The following USP7 variants were observed in gnomAD, a reference collection of about 807,000 sequenced individuals.
USP7 encodes the protein ubiquitin C-terminal hydrolase 7.
A neutral mutation model predicts 162.9 loss-of-function variants in USP7; 9 were observed. The observed-to-expected ratio is 0.06, with a 90% CI of 0.03 to 0.10. The LOEUF (loss-of-function observed/expected upper bound fraction) is 0.10, where lower values mean the gene tolerates loss of function less well. USP7 is among the 10% of genes least tolerant of loss of function. The pLI, the probability that USP7 is intolerant of heterozygous loss-of-function variation, is 1.00. For missense variants in USP7, 715 were observed against 1,373.7 expected (o/e 0.52, Z 7.58); for synonymous variants, 562 against 475.9 (o/e 1.18, Z -2.35).
chr16:8,930,471 T>C (rs1898256320), intron 1 of USP7, 74 bp from the exon 2 acceptor site: 5 of 1,067,234 alleles, frequency 4.7e-6, no homozygotes, highest in East Asian at 5.2e-5. Context: ...TATAAACTTA[T>C]ACTTTTGATG....
At chr16:8,936,552 A>AT (rs1567237502) in intron 1 of USP7, 1 of 1,517,194 alleles carries the variant, frequency 6.6e-7, no homozygotes, top group Non-Finnish European at 8.8e-7. Flanking sequence ...CATCACCAGC[A>AT]TAAGGAGCTC....
intron 25 of USP7, among the ~76,000 whole-genome samples, chr16:8,897,726 A>AAAAAAAATATAT (rs1555461671): frequency 7.0e-4 from 5 of 7,136 alleles, no homozygotes; most frequent in Non-Finnish European, 9.3e-4. Context: ...AAAAAAAAAA[A>AAAAAAAATATAT]ATATATATAT....
chr16:8,958,730 A>G (rs139050276), intron 1 of USP7, among the ~76,000 whole-genome samples: 10 of 152,368 alleles, frequency 6.6e-5, no homozygotes, highest in African/African-American at 1.9e-4. Flanking sequence ...CACTCACGCA[A>G]GAATCATCAG....
chr16:8,929,011 CCTATAT>C (rs1365215059), intron 2 of USP7, among the ~76,000 whole-genome samples: 2 of 74,198 alleles, frequency 2.7e-5, no homozygotes, highest in Middle Eastern at 5.7e-3. Context: ...GAAGCTCCGC[CCTATAT>C]CTATGTCTCC....
intron 30 of USP7, 22 bp downstream of exon 30, chr16:8,894,528 C>CTG (rs780351775): frequency 6.7e-7 from 1 of 1,493,678 alleles, no homozygotes; most frequent in South Asian, 1.2e-5. Flanking sequence ...ACACCAGCCC[C>CTG]CGGGGGGGGG....
chr16:8,925,319 C>G (rs1437968089), intron 2 of USP7, among the ~76,000 whole-genome samples: 1 of 152,210 alleles, frequency 6.6e-6, no homozygotes, highest in Middle Eastern at 3.2e-3. Flanking sequence ...AATGAGACTA[C>G]TAGCTTGCCC....
chr16:8,894,511 G>C (rs762664042), intron 30 of USP7, 39 bp downstream of exon 30: 14 of 1,578,250 alleles, frequency 8.9e-6, no homozygotes, highest in Non-Finnish European at 1.0e-5. Flanking sequence ...TTCTTAGTCT[G>C]AAACCCACAC....
intron 2 of USP7, among the ~76,000 whole-genome samples, chr16:8,927,183 G>A (rs1289111989): frequency 2.0e-5 from 3 of 152,038 alleles, no homozygotes; most frequent in South Asian, 2.1e-4. Flanking sequence ...TTAGCCAGGC[G>A]TGGTGGCAAG....
At chr16:8,898,673 T>C in intron 23 of USP7, 34 bp from the exon 24 acceptor site, 1 of 1,494,462 alleles carries the variant, frequency 6.7e-7, no homozygotes, top group Non-Finnish European at 9.0e-7. Context: ...ATAAATGACT[T>C]GTTTATTTGC....
chr16:8,949,237 C>A (rs1017377370), intron 1 of USP7, among the ~76,000 whole-genome samples: 1 of 152,192 alleles, frequency 6.6e-6, no homozygotes, highest in African/African-American at 2.4e-5. Context: ...CAAATCTAAT[C>A]CTTTACAACT....
intron 1 of USP7, among the ~76,000 whole-genome samples, chr16:8,950,300 T>A (rs995268098): frequency 6.6e-6 from 1 of 152,066 alleles, no homozygotes; most frequent in Non-Finnish European, 1.5e-5. Flanking sequence ...ACAGACATTT[T>A]CTGCTCTAAA....
At chr16:8,946,855 A>G (rs1899308840) in intron 1 of USP7, among the ~76,000 whole-genome samples, 2 of 152,266 alleles carry the variant, frequency 1.3e-5, no homozygotes, top group Non-Finnish European at 2.9e-5. Flanking sequence ...TCAACTTTTT[A>G]ATATAACTGT....
chr16:8,910,028 G>C (rs967672365), intron 11 of USP7, among the ~76,000 whole-genome samples: 5 of 152,156 alleles, frequency 3.3e-5, no homozygotes, highest in African/African-American at 1.2e-4. Flanking sequence ...TACAAAATGG[G>C]TACACAGGCA....
chr16:8,923,593 T>C (rs1897824651), intron 2 of USP7, among the ~76,000 whole-genome samples, 180 bp from the exon 3 acceptor site: 1 of 152,252 alleles, frequency 6.6e-6, no homozygotes, highest in Non-Finnish European at 1.5e-5. Flanking sequence ...AGTTTCTGAA[T>C]GGATTAATTC....
chr16:8,905,957 G>GA (rs2061853212), intron 13 of USP7, among the ~76,000 whole-genome samples: 2 of 152,160 alleles, frequency 1.3e-5, no homozygotes, highest in Non-Finnish European at 2.9e-5. Context: ...TGGCCCTGTG[G>GA]TCTTGGGGGT....
chr16:8,934,305 C>T (rs1002981544), intron 1 of USP7, among the ~76,000 whole-genome samples: 2 of 152,148 alleles, frequency 1.3e-5, no homozygotes, highest in Admixed American at 6.5e-5. Flanking sequence ...GTTATGGTTT[C>T]ATGAGATGCA....
At chr16:8,957,011 G>A (rs1366294329) in intron 1 of USP7, among the ~76,000 whole-genome samples, 1 of 152,196 alleles carries the variant, frequency 6.6e-6, no homozygotes, top group African/African-American at 2.4e-5. Flanking sequence ...TCTGTCTCAG[G>A]AGTGTCATCA....
At chr16:8,937,336 G>A (rs1273169240) in intron 1 of USP7, among the ~76,000 whole-genome samples, 1 of 152,118 alleles carries the variant, frequency 6.6e-6, no homozygotes, top group Non-Finnish European at 1.5e-5. Flanking sequence ...CCTGAGGCCA[G>A]AAGTTTGAGA....
chr16:8,911,942 C>T (rs564274483), intron 10 of USP7, among the ~76,000 whole-genome samples: 1 of 152,248 alleles, frequency 6.6e-6, no homozygotes, highest in East Asian at 1.9e-4. Flanking sequence ...CCGCTGAACA[C>T]CTGGGAGACT....
Sources: gnomAD v4.1 joint callset for allele counts (sites outside exome capture counted in the v4.1 genomes callset) on GRCh38, gnomAD v4.1.1 for gene constraint, MANE v1.5 for transcripts, NCBI Gene and HGNC (gene_info 2026-07-23, HGNC 2026-07-21) for gene names.